Variants in CCDC33 observed in about 807,000 individuals in gnomAD.
CCDC33 encodes the protein coiled-coil domain-containing protein 33.
A neutral mutation model predicts 91.9 loss-of-function variants in CCDC33; 94 were observed. The ratio of observed to expected loss-of-function variants is 1.02; its 90% CI spans 0.87 to 1.21. The LOEUF (loss-of-function observed/expected upper bound fraction) is 1.21, where lower values mean the gene tolerates loss of function less well. Ranked by LOEUF, CCDC33 falls within the 50% of genes most tolerant of loss-of-function variation. The probability of loss-of-function intolerance (pLI) is 0.00; values close to 1 mark genes in which losing one functional copy is unlikely to be tolerated. For missense variants in CCDC33, 940 were observed against 935.5 expected (o/e 1.00, Z -0.06); for synonymous variants, 396 against 374.5 (o/e 1.06, Z -0.66).
At chr15:74,313,303 C>G (rs1368060588) in intron 11 of CCDC33, among the ~76,000 whole-genome samples, 1 of 152,082 alleles carries the variant, frequency 6.6e-6, no homozygotes, top group African/African-American at 2.4e-5. Context: ...CTCCCCATCC[C>G]GAGGTTTTGG....
chr15:74,280,220 C>T, intron 8 of CCDC33, 128 bp downstream of exon 8: 3 of 1,144,346 alleles, frequency 2.6e-6, no homozygotes, highest in Middle Eastern at 2.7e-4. Flanking sequence ...CAGGCGGCTT[C>T]CTAATGCAGG....
intron 11 of CCDC33, among the ~76,000 whole-genome samples, chr15:74,320,961 G>A (rs933705968): frequency 6.6e-6 from 1 of 152,184 alleles, no homozygotes; most frequent in African/African-American, 2.4e-5. Flanking sequence ...CAGTGGCAAA[G>A]AACTGAGAGG....
chr15:74,224,140 C>T (rs552842516), intron 2 of CCDC33, among the ~76,000 whole-genome samples: 33 of 152,152 alleles, frequency 2.2e-4, no homozygotes, highest in African/African-American at 7.5e-4. Flanking sequence ...GGCACCATGG[C>T]GGAGAGAGAG....
At chr15:74,330,164 C>A in intron 11 of CCDC33, 25 bp from the exon 12 acceptor site, 1 of 1,565,932 alleles carries the variant, frequency 6.4e-7, no homozygotes. Flanking sequence ...GCAGTGGGCT[C>A]AGCTCTGGGC....
intron 11 of CCDC33, among the ~76,000 whole-genome samples, chr15:74,324,089 C>CAAAAA (rs55758894): frequency 4.2e-5 from 3 of 72,090 alleles, no homozygotes; most frequent in South Asian, 5.8e-4. Flanking sequence ...GACTCCATCT[C>CAAAAA]AAAAAAAAAA....
chr15:74,221,242 T>TAACAAAAAA, intron 2 of CCDC33: 1 of 744,028 alleles, frequency 1.3e-6, no homozygotes, highest in African/African-American at 2.2e-5. Context: ...TTTTTTTTTT[T>TAACAAAAAA]TCACCAGAAC....
At chr15:74,280,559 GAGGCAGGAAAGC>G (rs2059339394) in intron 8 of CCDC33, 97 bp from the exon 9 acceptor site, 1 of 1,289,686 alleles carries the variant, frequency 7.8e-7, no homozygotes, top group Non-Finnish European at 1.0e-6. Flanking sequence ...GAAAGGCCAG[GAGGCAGGAAAGC>G]AGGCAGCGGG....
chr15:74,207,444 C>G (rs2142111417), intron 1 of CCDC33, among the ~76,000 whole-genome samples: 1 of 152,262 alleles, frequency 6.6e-6, no homozygotes, highest in East Asian at 1.9e-4. Flanking sequence ...GACACTCAAA[C>G]TCTGGCAAAC....
At chr15:74,336,373 G>C, downstream of CCDC33, 1 of 1,334,270 alleles carries the variant, frequency 7.5e-7, no homozygotes, top group East Asian at 4.6e-5. Context: ...CGGAGAAGAA[G>C]CAAGGCCACC....
Position 74,280,650 on chromosome 15 carries a change from T to C in CCDC33, c.890-18T>C. ...GTGGGGGCTTTGGCAGGAGCCCTAG[T>C]TGATCCTTCCCCCACAGTGAAAGGC... On this transcript the variant is annotated intron_variant, in intron 8 of 18. Coordinates refer to ENST00000398814, the MANE Select transcript of CCDC33 (RefSeq NM_025055.5). 9 of 1,450,266 alleles carry C rather than the reference T, an allele frequency of 6.2e-6. No individual in the cohort carries two copies. Among genetic ancestry groups the C allele is most frequent in the Non-Finnish European group, 7.3e-6 (8 of 1,095,718 alleles). The allele number at this position is 1,450,266 out of a possible 1,614,324, so 89.8% of individuals were successfully genotyped here.
chr15:74,226,868 C>T (rs1394290463), intron 2 of CCDC33, among the ~76,000 whole-genome samples: 4 of 149,430 alleles, frequency 2.7e-5, no homozygotes, highest in South Asian at 2.1e-4. Context: ...TGAGCAAAGG[C>T]GTGGAGGTAT....
chr15:74,280,732 C>T lies in CCDC33; in HGVS notation c.954C>T (p.Ser318=), dbSNP rs1385610881. ...PLGISVLPLK[S]RLYQKMLTGK... ...GCATCTCTGTGTTGCCGCTAAAGAG[C>T]CGTTTGTACCAGAAGATGCTGACAG... The change falls in exon 9 of 19, where the codon AGC becomes AGT. Residue 318 remains serine, a synonymous_variant. Transcript: ENST00000398814. The T allele has an allele frequency of 1.3e-6, 2 of 1,576,346 alleles. No individual in the cohort carries two copies. The highest frequency in any genetic ancestry group is 1.4e-5 in the African/African-American group (1 of 72,608).
chr15:74,325,013 A>C, intron 11 of CCDC33, among the ~76,000 whole-genome samples: 1 of 145,136 alleles, frequency 6.9e-6, no homozygotes, highest in African/African-American at 2.6e-5. Flanking sequence ...CCACCCAAAG[A>C]CCCTAGCCCC....
rs1369913658 is a variant in CCDC33, at chr15:74,244,179, G to A, written c.185+31G>A. ...TAGCTGCGTGAGAGTGGGGGCAGGGGATGGGTTGGGCTGTGAGCAGAAACC... is the reference window on the plus strand; with the variant it reads ...TAGCTGCGTGAGAGTGGGGGCAGGGAATGGGTTGGGCTGTGAGCAGAAACC... On this transcript the variant is annotated intron_variant, in intron 2 of 18. Coordinates refer to ENST00000398814, the MANE Select transcript of CCDC33 (RefSeq NM_025055.5). The surrounding 1 kb of genome is among the most constrained non-coding windows in gnomAD (Gnocchi z 4.2). 6.3e-7 allele frequency: 1 copy of A among 1,593,952 alleles called. No individual in the cohort carries two copies. Among genetic ancestry groups the A allele is most frequent in the East Asian group, 2.2e-5 (1 of 44,604 alleles).
At chr15:74,313,076 C>T (rs1174672535) in intron 11 of CCDC33, among the ~76,000 whole-genome samples, 5 of 152,200 alleles carry the variant, frequency 3.3e-5, no homozygotes, top group African/African-American at 1.2e-4. Context: ...AGAACAGTGA[C>T]ATCTTTGAGT....
In CCDC33 at chr15:74,283,289, G is replaced by T. The variant is rs911424045; in HGVS notation, c.1095+1440G>T. Among the ~76,000 whole-genome samples, 38 of 152,326 alleles carry T rather than the reference G, an allele frequency of 2.5e-4. 1 individual carries two copies. Among genetic ancestry groups the T allele is most frequent in the Middle Eastern group, 6.8e-3 (2 of 294 alleles). On this transcript the variant is annotated intron_variant, in intron 10 of 18. Transcript: ENST00000398814. ...GGCCTCTTCCCAAGGTATAGAGTCT[G>T]CCTGTGGCCACTGGCCACTGCCAGC... is the stretch of plus-strand genomic sequence containing the variant.
chr15:74,297,318 G>T (rs1481859565), intron 11 of CCDC33, among the ~76,000 whole-genome samples: 3 of 152,190 alleles, frequency 2.0e-5, no homozygotes, highest in Non-Finnish European at 4.4e-5. Context: ...ATTTGGGGCA[G>T]CATGAATAAA....
chr15:74,268,487 T>TGGGG (rs138360055), intron 5 of CCDC33, 29 bp downstream of exon 5: 41 of 1,232,382 alleles, frequency 3.3e-5, no homozygotes, highest in Admixed American at 2.8e-4. Flanking sequence ...TCTGGGGTGG[T>TGGGG]GGTGGGGGTG....
At chr15:74,245,779 G>C (rs541187683) in intron 2 of CCDC33, among the ~76,000 whole-genome samples, 322 of 152,234 alleles carry the variant, frequency 2.1e-3, no homozygotes, top group Middle Eastern at 6.8e-3. Context: ...ACGCGGGGAG[G>C]GGGGAGGGGA....
Sources: gnomAD v4.1 joint callset for allele counts (sites outside exome capture counted in the v4.1 genomes callset) on GRCh38, gnomAD v4.1.1 for gene constraint, Gnocchi (gnomAD v3.1) non-coding constraint, MANE v1.5 for transcripts, NCBI Gene and HGNC (gene_info 2026-07-23, HGNC 2026-07-21) for gene names.